The following LUZP2 variants were observed in gnomAD, a reference collection of about 807,000 sequenced individuals.
The protein encoded by LUZP2 is leucine zipper protein 2.
LUZP2 carries 52 observed loss-of-function variants against 51.6 expected under a neutral mutation model. The ratio of observed to expected loss-of-function variants is 1.01; its 90% CI spans 0.81 to 1.27. The LOEUF (loss-of-function observed/expected upper bound fraction) is 1.27. Among genes scored for constraint, LUZP2 ranks in the 50% most tolerant of loss-of-function variants. The pLI is 0.00. For synonymous variants in LUZP2, 154 were observed against 137.3 expected (o/e 1.12, Z -0.85); for missense variants, 436 against 395.4 (o/e 1.10, Z -0.87).
chr11:24,538,161 A>C, intron 1 of LUZP2, among the ~76,000 whole-genome samples: 1 of 151,866 alleles, frequency 6.6e-6, no homozygotes, highest in East Asian at 1.9e-4. Context: ...ACATAAAGTT[A>C]TTCAATCTGT....
intron 7 of LUZP2, among the ~76,000 whole-genome samples, chr11:24,930,677 T>C (rs1041050182): frequency 3.9e-5 from 6 of 152,330 alleles, no homozygotes; most frequent in Non-Finnish European, 8.8e-5. Flanking sequence ...ATCTCGACTT[T>C]AGATAACCTG....
At chr11:24,693,042 A>G (rs961049174) in intron 1 of LUZP2, among the ~76,000 whole-genome samples, 4 of 151,894 alleles carry the variant, frequency 2.6e-5, no homozygotes, top group Admixed American at 2.0e-4. Flanking sequence ...GAGCAAAAAT[A>G]TATTTTTGCT....
rs187341379 is a variant in LUZP2 at position 24,895,069 on chromosome 11, T to G, written c.397-10922T>G. On this transcript the variant is annotated intron_variant, in intron 5 of 11. Transcript: ENST00000336930. ...AGACTGGTGAGAGATTCTCAAATTT[T>G]TAATCCCTTGAAAGTCAGTCTGTTT... Among the ~76,000 whole-genome samples the G allele has an allele frequency of 7.9e-5, 12 of 152,278 alleles. No homozygotes were observed. The East Asian group carries it at 1.9e-3, about 25-fold the overall frequency.
At position 25,008,886 on chromosome 11, in the gene LUZP2, A is replaced by G. The variant is rs557501018; in HGVS notation, c.765+25593A>G. 4.5e-4 allele frequency among the ~76,000 whole-genome samples: 68 copies of G among 152,184 alleles called. 1 individual carries two copies. Among genetic ancestry groups the G allele is most frequent in the Middle Eastern group, 3.4e-3 (1 of 294 alleles). On this transcript the variant is annotated intron_variant, in intron 9 of 11. Transcript: ENST00000336930. The stretch of plus-strand genomic sequence containing the variant: ...GCGGGCCTGGGAAAAATACCATTCA[A>G]TTGGCTAAAAGGCATCAAGGAAGTT...
intron 7 of LUZP2, among the ~76,000 whole-genome samples, chr11:24,946,187 A>G (rs1450532585): frequency 1.3e-5 from 2 of 152,026 alleles, no homozygotes; most frequent in African/African-American, 4.8e-5. Flanking sequence ...GGGTGGATGT[A>G]CACATCTTGT....
intron 5 of LUZP2, among the ~76,000 whole-genome samples, chr11:24,833,630 G>A (rs1479758622): frequency 6.6e-6 from 1 of 151,830 alleles, no homozygotes; most frequent in Non-Finnish European, 1.5e-5. Context: ...CAGATTAATC[G>A]AATCAGAATT....
chr11:25,034,050 T>G (rs1584195), intron 9 of LUZP2, among the ~76,000 whole-genome samples: 1 of 152,140 alleles, frequency 6.6e-6, no homozygotes, highest in Non-Finnish European at 1.5e-5. Flanking sequence ...CCACCAACAG[T>G]GTATAAACAT....
intron 10 of LUZP2, among the ~76,000 whole-genome samples, chr11:25,069,499 AC>A (rs1202747655): frequency 6.6e-6 from 1 of 151,864 alleles, no homozygotes; most frequent in Admixed American, 6.6e-5. Context: ...CCCCAGCTAC[AC>A]GTACAACATC....
intron 9 of LUZP2, among the ~76,000 whole-genome samples, chr11:24,986,537 CTGTGTGTGTGTGTGTG>C (rs61367765): frequency 6.2e-5 from 9 of 145,816 alleles, no homozygotes; most frequent in African/African-American, 2.3e-4. Flanking sequence ...TAGCATGCCT[CTGTGTGTGTGTGTGTG>C]TGTGTGTGTG....
chr11:24,668,295 C>T lies in LUZP2; in HGVS notation c.63-60874C>T, dbSNP rs76026392. ...CATAAAGGGAATTTACGAGTTTCATCGAAGATTCCAGGGTAAATGTCTGGA... is the reference window on the plus strand; with the variant it reads ...CATAAAGGGAATTTACGAGTTTCATTGAAGATTCCAGGGTAAATGTCTGGA... On this transcript the variant is annotated intron_variant, in intron 1 of 11. Transcript: ENST00000336930. Among the ~76,000 whole-genome samples the T allele has an allele frequency of 8.7e-3, 1,331 of 152,216 alleles. 16 individuals are homozygous for T. Among genetic ancestry groups the T allele is most frequent in the African/African-American group, 0.03 (1,245 of 41,546 alleles).
intron 5 of LUZP2, among the ~76,000 whole-genome samples, chr11:24,865,804 A>C (rs1851876177): frequency 6.6e-6 from 1 of 151,158 alleles, no homozygotes; most frequent in Non-Finnish European, 1.5e-5. Context: ...GTGTGTATAT[A>C]TAATTTATGT....
chr11:25,054,021 A>G (rs1375347364), intron 10 of LUZP2, among the ~76,000 whole-genome samples: 1 of 152,124 alleles, frequency 6.6e-6, no homozygotes, highest in African/African-American at 2.4e-5. Context: ...ATTTCATGCT[A>G]GTCCATATTC....
intron 1 of LUZP2, among the ~76,000 whole-genome samples, chr11:24,517,305 G>A (rs992689174): frequency 1.9e-4 from 29 of 151,508 alleles, no homozygotes; most frequent in Admixed American, 1.7e-3. Context: ...CTAACACAGT[G>A]AAACCCCGTC....
intron 5 of LUZP2, among the ~76,000 whole-genome samples, chr11:24,852,858 G>A (rs1473369147): frequency 2.6e-5 from 4 of 151,848 alleles, no homozygotes; most frequent in Non-Finnish European, 5.9e-5. Context: ...GTCTTTATTG[G>A]TTTAAAGTCT....
At chr11:24,986,320 A>G (rs1856185629) in intron 9 of LUZP2, among the ~76,000 whole-genome samples, 1 of 151,634 alleles carries the variant, frequency 6.6e-6, no homozygotes. Context: ...CAAAGCTACT[A>G]TATAGTGCCA....
intron 5 of LUZP2, among the ~76,000 whole-genome samples, chr11:24,799,771 T>A (rs573095015): frequency 2.6e-5 from 4 of 152,208 alleles, no homozygotes; most frequent in African/African-American, 9.6e-5. Flanking sequence ...AGATATTAAA[T>A]CAAATATGGG....
At chr11:24,825,370 C>A (rs1850492235) in intron 5 of LUZP2, among the ~76,000 whole-genome samples, 1 of 152,094 alleles carries the variant, frequency 6.6e-6, no homozygotes, top group South Asian at 2.1e-4. Context: ...AACCCAATCA[C>A]TTTGTACTCC....
At chr11:24,745,979 G>C (rs1859366306) in intron 4 of LUZP2, among the ~76,000 whole-genome samples, 1 of 152,062 alleles carries the variant, frequency 6.6e-6, no homozygotes, top group African/African-American at 2.4e-5. Flanking sequence ...TGCCCAGTCA[G>C]TTCTTATCCA....
At chr11:24,689,039 AAG>A (rs1856983463) in intron 1 of LUZP2, among the ~76,000 whole-genome samples, 8 of 152,146 alleles carry the variant, frequency 5.3e-5, no homozygotes, top group African/African-American at 1.9e-4. Flanking sequence ...CAAGGGGTAT[AAG>A]GCAGAGGGAG....
Sources: allele counts gnomAD v4.1 joint callset (sites outside exome capture counted in the v4.1 genomes callset), GRCh38; gene constraint gnomAD v4.1.1; transcripts MANE v1.5; gene names NCBI Gene and HGNC (gene_info 2026-07-23, HGNC 2026-07-21).